Variants in CFI observed in about 807,000 individuals in gnomAD.
CFI encodes the protein C3B/C4B inactivator.
Under a neutral mutation model 78.8 loss-of-function variants are expected in CFI, and 66 were observed. The observed-to-expected ratio is 0.84, with a 90% CI of 0.69 to 1.03. The LOEUF is 1.03. CFI is among the 50% of genes least tolerant of loss of function. CFI has a pLI of 0.00. For synonymous variants in CFI, 250 were observed against 232.6 expected, an observed-to-expected ratio of 1.07 and a Z score of -0.68; for missense variants, 706 against 704.5, an observed-to-expected ratio of 1.00 and a Z score of -0.02.
intron 1 of CFI, among the ~76,000 whole-genome samples, chr4:109,776,769 A>G (rs954284365): frequency 2.0e-5 from 3 of 152,266 alleles, no homozygotes; most frequent in Admixed American, 1.3e-4. Flanking sequence ...CTAACAGCGG[A>G]TCTCTCCGCA....
downstream of CFI, among the ~76,000 whole-genome samples, chr4:109,740,361 AGAAG>A (rs367664591): frequency 0.027 from 4,054 of 152,096 alleles, 158 homozygotes; most frequent in African/African-American, 0.081. Flanking sequence ...AGAGAAAGAA[AGAAG>A]GAAAGAGAGA....
chr4:109,738,570 A>T (rs894477660), downstream of CFI, among the ~76,000 whole-genome samples: 1 of 152,148 alleles, frequency 6.6e-6, no homozygotes, highest in East Asian at 1.9e-4. Context: ...CTTTCCTTTG[A>T]GCCTGGGCAG....
chr4:109,735,283 CCAGAACAATAAT>C, the CFI span, among the ~76,000 whole-genome samples: 1 of 152,044 alleles, frequency 6.6e-6, no homozygotes, highest in Non-Finnish European at 1.5e-5. Context: ...ATAGAACTTC[CCAGAACAATAAT>C]CAGGATAGGC....
chr4:109,746,619 T>C (rs777913938), intron 10 of CFI, 117 bp from the exon 11 acceptor site: 3 of 817,108 alleles, frequency 3.7e-6, no homozygotes, highest in Non-Finnish European at 3.7e-6. Flanking sequence ...CCCAGAATTT[T>C]GTAAATGCTT....
Position 109,761,694 on chromosome 4 carries a change from T to G in CFI, c.483-2A>C. ...AACCTTCTTTGAGTATCAGCACCTC[T>G]GCAAATAGAATAAAGGAAACATTAT... On this transcript the variant is annotated splice_acceptor_variant, in intron 3 of 12. Transcript: ENST00000394634. LOFTEE classifies it high-confidence loss of function. The G allele has an allele frequency of 6.2e-7, 1 of 1,607,834 alleles. No individual in the cohort carries two copies. The highest frequency in any genetic ancestry group is 8.5e-7 in the Non-Finnish European group (1 of 1,174,846).
At position 109,740,902 on chromosome 4, in the gene CFI, G is replaced by T. The variant is rs1367812918; in HGVS notation, c.1743C>A (p.Tyr581Ter). The change falls in exon 13 of 13, where the codon TAC becomes TAA. Residue 581 changes from tyrosine (Y) to a stop codon, truncating the protein, a stop_gained. Transcript: ENST00000394634. LOFTEE classifies it high-confidence loss of function. Reference protein sequence around the residue: ...YHVGRPFISQYNV With the variant: ...YHVGRPFISQ ...GAGAGAGATCACAATTTTATACATT[G>T]TACTGAGAAATAAAAGGCCTTCCTA... 1 of 1,613,128 alleles carries T rather than the reference G, an allele frequency of 6.2e-7. No individual in the cohort carries two copies. Among genetic ancestry groups the T allele is most frequent in the East Asian group, 2.2e-5 (1 of 44,884 alleles).
At chr4:109,799,977 C>A (rs1372353432) in intron 1 of CFI, among the ~76,000 whole-genome samples, 1 of 152,178 alleles carries the variant, frequency 6.6e-6, no homozygotes, top group Non-Finnish European at 1.5e-5. Context: ...GTGCTATAAA[C>A]CTTTGACTGT....
In CFI at chr4:109,761,558, T is replaced by C; in HGVS notation, c.617A>G (p.Tyr206Cys). 1.2e-6 allele frequency: 2 copies of C among 1,614,148 alleles called. No homozygotes were observed. The highest frequency in any genetic ancestry group is 1.7e-6 in the Non-Finnish European group (2 of 1,180,016). The change falls in exon 4 of 13, where the codon TAC becomes TGC. Residue 206 changes from tyrosine to cysteine, a missense_variant. Tyr to Cys is a radical substitution (Grantham distance 194). Coordinates refer to ENST00000394634, the MANE Select transcript of CFI (RefSeq NM_000204.5). ...CTFTKRRTMG[Y>C]QDFADVVCYT... ...ACAAACCACATCAGCGAAATCCTGG[T>C]AACCCATAGTTCTTCTCTTAGTAAA...
chr4:109,754,432 TTC>T (rs1282061700), intron 7 of CFI, among the ~76,000 whole-genome samples: 1 of 138,572 alleles, frequency 7.2e-6, no homozygotes, highest in Non-Finnish European at 1.6e-5. Flanking sequence ...AAAAAGAATC[TTC>T]TTTTTTTTTT....
At chr4:109,786,708 C>T (rs1730791525) in intron 1 of CFI, among the ~76,000 whole-genome samples, 1 of 152,094 alleles carries the variant, frequency 6.6e-6, no homozygotes, top group Non-Finnish European at 1.5e-5. Context: ...CTTTATCCTT[C>T]TGATCCTGTT....
Position 109,766,556 on chromosome 4 carries a change from T to G in CFI, c.326A>C (p.Glu109Ala), listed in dbSNP as rs1045522591. Reference sequence around the variant, plus strand: ...CTTGAAAACTAGTCTCTTGCTACCTTCGGCTGTGCATGTTCCGTTATTTAA... The same window carrying G: ...CTTGAAAACTAGTCTCTTGCTACCTGCGGCTGTGCATGTTCCGTTATTTAA... ...KFLNNGTCTA[E>A]GKFSVSLKHG... The change falls in exon 2 of 13, where the codon GAA (glutamate) becomes GCA (alanine). Residue 109 changes from glutamate (E) to alanine (A), a missense_variant and splice_region_variant. Coordinates refer to ENST00000394634, the MANE Select transcript of CFI (RefSeq NM_000204.5). 3.1e-6 allele frequency: 5 copies of G among 1,614,074 alleles called. No individual in the cohort carries two copies. Among genetic ancestry groups the G allele is most frequent in the Non-Finnish European group, 4.2e-6 (5 of 1,180,008 alleles).
chr4:109,750,662 A>G (rs1561289850), intron 8 of CFI, among the ~76,000 whole-genome samples: 2 of 152,062 alleles, frequency 1.3e-5, no homozygotes, highest in Non-Finnish European at 2.9e-5. Context: ...ATATCCCTTT[A>G]TTTCCTCTCT....
intron 7 of CFI, among the ~76,000 whole-genome samples, chr4:109,756,311 G>C (rs575259620): frequency 0.17 from 168 of 1,012 alleles, no homozygotes; most frequent in Non-Finnish European, 0.35. Context: ...GGAGGAGGAA[G>C]GAAAAGAGGA....
chr4:109,779,630 CTACTT>C (rs1476976016), intron 1 of CFI, among the ~76,000 whole-genome samples: 1 of 152,152 alleles, frequency 6.6e-6, no homozygotes. Flanking sequence ...TTGGAAAAAA[CTACTT>C]TAAAGTTCAT....
intron 1 of CFI, among the ~76,000 whole-genome samples, chr4:109,775,488 C>T (rs1729110274): frequency 6.6e-6 from 1 of 152,216 alleles, no homozygotes; most frequent in African/African-American, 2.4e-5. Context: ...AGTAGGTAAA[C>T]AAAGCATCCT....
intron 7 of CFI, among the ~76,000 whole-genome samples, chr4:109,755,748 C>T (rs1378101386): frequency 1.3e-5 from 2 of 152,108 alleles, no homozygotes; most frequent in Admixed American, 6.6e-5. Context: ...TAAATTACCC[C>T]GTCTGTGGTA....
At chr4:109,748,401 G>A (rs1055639955) in intron 10 of CFI, among the ~76,000 whole-genome samples, 1 of 152,090 alleles carries the variant, frequency 6.6e-6, no homozygotes, top group Non-Finnish European at 1.5e-5. Context: ...AGCAGTAAAT[G>A]GATCATCACA....
chr4:109,756,949 GAAAGAAAGAAAGAAAGAAAGAAAGAA>G (rs1726344088), intron 7 of CFI, among the ~76,000 whole-genome samples: 1 of 142,542 alleles, frequency 7.0e-6, no homozygotes, highest in African/African-American at 2.6e-5. Context: ...AAGAAAGAAA[GAAAGAAAGAAAGAAAGAAAGAAAGAA>G]AGAAATTCTG....
chr4:109,785,506 TG>T lies in CFI; in HGVS notation c.57+16408del, dbSNP rs548072695. On this transcript the variant is annotated intron_variant, in intron 1 of 12. Transcript: ENST00000394634. ...TCAGAAATTTATTTACTTATATTTT[TG>T]CTCCCCACCCACACTTTTTTGCTCT... Among the ~76,000 whole-genome samples the T allele has an allele frequency of 4.8e-3, 735 of 152,112 alleles. 2 individuals carry two copies. Among genetic ancestry groups the T allele is most frequent in the Middle Eastern group, 0.034 (10 of 294 alleles).
Sources: gnomAD v4.1 joint callset for allele counts (sites outside exome capture counted in the v4.1 genomes callset) on GRCh38, gnomAD v4.1.1 for gene constraint, MANE v1.5 for transcripts, NCBI Gene and HGNC (gene_info 2026-07-23, HGNC 2026-07-21) for gene names.